CELF2: variants seen among roughly 807,000 people sequenced by gnomAD.
The protein encoded by CELF2 is CUG triplet repeat RNA-binding protein 2.
A neutral mutation model predicts 62.6 loss-of-function variants in CELF2; 8 were observed. That is an observed-to-expected ratio of 0.13 (90% CI 0.07 to 0.23). The LOEUF (loss-of-function observed/expected upper bound fraction) is 0.23. Ranked by LOEUF, CELF2 falls within the 10% of genes least tolerant of loss-of-function variation. CELF2 has a pLI of 1.00. For synonymous variants in CELF2, 258 were observed against 250.0 expected, an observed-to-expected ratio of 1.03 and a Z score of -0.30; for missense variants, 333 against 671.0, an observed-to-expected ratio of 0.50 and a Z score of 5.56.
intron 2 of CELF2, among the ~76,000 whole-genome samples, chr10:10,930,382 T>C (rs1349308742): frequency 6.6e-6 from 1 of 152,226 alleles, no homozygotes; most frequent in Non-Finnish European, 1.5e-5. Context: ...TCCTTTTAGA[T>C]TTTCCTTATC....
the CELF2 span, among the ~76,000 whole-genome samples, chr10:10,784,982 T>C: frequency 6.6e-6 from 1 of 152,346 alleles, no homozygotes; most frequent in East Asian, 1.9e-4. Context: ...AAGTGTTCAG[T>C]TACAATAGAA....
intron 8 of CELF2, among the ~76,000 whole-genome samples, chr10:11,281,503 T>C (rs1177941960): frequency 1.3e-5 from 2 of 152,138 alleles, no homozygotes; most frequent in African/African-American, 2.4e-5. Context: ...CTCACACTTG[T>C]AGTCCCAGCA....
chr10:11,231,267 T>C (rs1320421095), intron 3 of CELF2, among the ~76,000 whole-genome samples: 5 of 152,260 alleles, frequency 3.3e-5, no homozygotes, highest in African/African-American at 1.2e-4. Context: ...TTGTAGTCTG[T>C]AAGGACAAAA....
At chr10:10,937,336 G>A (rs2046535372) in intron 2 of CELF2, 1 of 151,934 alleles carries the variant, frequency 6.6e-6, no homozygotes, top group Non-Finnish European at 1.5e-5. Context: ...TTCCCATGTT[G>A]GCCAGGCTGG....
At chr10:11,272,576 C>T (rs2084245718) in intron 7 of CELF2, among the ~76,000 whole-genome samples, 1 of 152,238 alleles carries the variant, frequency 6.6e-6, no homozygotes, top group Non-Finnish European at 1.5e-5. Flanking sequence ...GCACATGTTT[C>T]TGGGACCACA....
At chr10:10,712,233 T>C in the CELF2 span, among the ~76,000 whole-genome samples, 4 of 150,874 alleles carry the variant, frequency 2.7e-5, no homozygotes, top group African/African-American at 9.8e-5. Context: ...ATCTGAGGCT[T>C]ACATGATAGA....
chr10:11,161,350 C>T (rs1281874764), intron 1 of CELF2, among the ~76,000 whole-genome samples: 2 of 152,182 alleles, frequency 1.3e-5, no homozygotes, highest in African/African-American at 4.8e-5. Context: ...TTGCAGTTTG[C>T]AGGCAAGGTG....
chr10:10,939,835 TTC>T (rs1249811593), intron 2 of CELF2, among the ~76,000 whole-genome samples: 30 of 152,090 alleles, frequency 2.0e-4, no homozygotes, highest in Non-Finnish European at 1.0e-4. Flanking sequence ...ATGCCTGTAG[TTC>T]CAGCTACTAG....
At chr10:10,652,888 G>A in the CELF2 span, among the ~76,000 whole-genome samples, 1 of 151,530 alleles carries the variant, frequency 6.6e-6, no homozygotes, top group African/African-American at 2.4e-5. Flanking sequence ...ACTTTAAATG[G>A]ATTAAATTCT....
chr10:10,510,510 A>G, the CELF2 span, among the ~76,000 whole-genome samples: 3 of 152,238 alleles, frequency 2.0e-5, no homozygotes, highest in Non-Finnish European at 2.9e-5. Context: ...CACCCCAAGT[A>G]ATATTTCATC....
At chr10:11,013,329 A>C (rs188390306), upstream of CELF2, among the ~76,000 whole-genome samples, 1 of 152,340 alleles carries the variant, frequency 6.6e-6, no homozygotes, top group African/African-American at 2.4e-5. The surrounding 1 kb of genome is among the most constrained non-coding windows in gnomAD (Gnocchi z 4.1). Context: ...AAAGGAGAAA[A>C]AGGAAAGGGC....
chr10:10,550,436 G>A, the CELF2 span, among the ~76,000 whole-genome samples: 4 of 152,308 alleles, frequency 2.6e-5, no homozygotes, highest in Admixed American at 6.5e-5. Flanking sequence ...AGTGTGCATA[G>A]AAGCCACTAT....
intron 1 of CELF2, among the ~76,000 whole-genome samples, chr10:10,812,851 T>C (rs1280956906): frequency 6.6e-6 from 1 of 152,198 alleles, no homozygotes; most frequent in African/African-American, 2.4e-5. Flanking sequence ...TTCAATCTGG[T>C]GTCCTCCTGT....
intron 1 of CELF2, among the ~76,000 whole-genome samples, chr10:11,062,074 A>G (rs2066889934): frequency 6.6e-6 from 1 of 152,224 alleles, no homozygotes; most frequent in African/African-American, 2.4e-5. Context: ...GGCCTCCCAA[A>G]GTGCTGGGAT....
chr10:10,569,601 C>G, the CELF2 span, among the ~76,000 whole-genome samples: 1 of 152,098 alleles, frequency 6.6e-6, no homozygotes, highest in Non-Finnish European at 1.5e-5. Flanking sequence ...ATGTGTGTAT[C>G]AGTTGGGTTG....
At chr10:10,781,983 A>G in the CELF2 span, among the ~76,000 whole-genome samples, 2 of 152,222 alleles carry the variant, frequency 1.3e-5, no homozygotes, top group Admixed American at 6.5e-5. Context: ...AACTATTTAC[A>G]CAGCATTTAC....
At chr10:10,771,884 G>A in the CELF2 span, among the ~76,000 whole-genome samples, 1 of 152,152 alleles carries the variant, frequency 6.6e-6, no homozygotes, top group African/African-American at 2.4e-5. Flanking sequence ...GCTATCAGAG[G>A]CAACAACACA....
chr10:10,581,695 G>A, the CELF2 span, among the ~76,000 whole-genome samples: 2 of 152,212 alleles, frequency 1.3e-5, no homozygotes, highest in African/African-American at 2.4e-5. Flanking sequence ...TGATGATTTG[G>A]TAACCATTAA....
chr10:11,140,265 G>A (rs1262455114), intron 1 of CELF2, among the ~76,000 whole-genome samples: 4 of 152,138 alleles, frequency 2.6e-5, no homozygotes, highest in African/African-American at 9.7e-5. Context: ...TTTAGGAGAC[G>A]GGTTCTCAAT....
Sources: gnomAD v4.1 joint callset for allele counts (sites outside exome capture counted in the v4.1 genomes callset) on GRCh38, gnomAD v4.1.1 for gene constraint, Gnocchi (gnomAD v3.1) non-coding constraint, MANE v1.5 for transcripts, NCBI Gene and HGNC (gene_info 2026-07-23, HGNC 2026-07-21) for gene names.